NAV2: variants seen among roughly 807,000 people sequenced by gnomAD.
NAV2 encodes the protein helicase, APC down-regulated 1.
Under a neutral mutation model 223.2 loss-of-function variants are expected in NAV2, and 54 were observed. The observed-to-expected ratio is 0.24, with a 90% CI of 0.19 to 0.30. The LOEUF is 0.30. NAV2 is among the 10% of genes least tolerant of loss of function. NAV2 has a pLI of 1.00. For synonymous variants in NAV2, 1,279 were observed against 1,239.3 expected, an observed-to-expected ratio of 1.03 and a Z score of -0.67; for missense variants, 2,806 against 3,147.5, an observed-to-expected ratio of 0.89 and a Z score of 2.60.
chr11:19,397,421 GCGCA>G (rs1191859233), intron 1 of NAV2, among the ~76,000 whole-genome samples: 4 of 148,080 alleles, frequency 2.7e-5, no homozygotes, highest in Non-Finnish European at 4.5e-5. Flanking sequence ...GTGTGTGTGC[GCGCA>G]TGTGTGTGTA....
At chr11:19,741,687 GTATA>G (rs1156844957) in intron 1 of NAV2, among the ~76,000 whole-genome samples, 384 of 20,924 alleles carry the variant, frequency 0.018, no homozygotes, top group South Asian at 0.06. Flanking sequence ...GTGTGTGTGT[GTATA>G]TATATATATA....
At chr11:19,447,694 C>G (rs1017511218) in intron 1 of NAV2, among the ~76,000 whole-genome samples, 1 of 152,166 alleles carries the variant, frequency 6.6e-6, no homozygotes, top group African/African-American at 2.4e-5. Flanking sequence ...GGGCAGAGAC[C>G]GTATCTCTTT....
At chr11:19,890,342 C>G (rs1045418141) in intron 5 of NAV2, among the ~76,000 whole-genome samples, 2 of 152,206 alleles carry the variant, frequency 1.3e-5, no homozygotes, top group African/African-American at 4.8e-5. Context: ...GCTTTGATTG[C>G]TTGCCTCTAT....
intron 1 of NAV2, among the ~76,000 whole-genome samples, chr11:19,677,115 C>T: frequency 6.6e-6 from 1 of 152,234 alleles, no homozygotes; most frequent in East Asian, 1.9e-4. Flanking sequence ...GCCTCTGGGG[C>T]AAGCTGCAGT....
intron 1 of NAV2, among the ~76,000 whole-genome samples, chr11:19,397,981 A>T (rs1849530732): frequency 6.6e-6 from 1 of 152,216 alleles, no homozygotes; most frequent in Admixed American, 6.5e-5. Context: ...AGAAGCCTTG[A>T]TGCCAAGAGG....
At chr11:19,990,451 A>G (rs535653914) in intron 11 of NAV2, among the ~76,000 whole-genome samples, 1 of 152,266 alleles carries the variant, frequency 6.6e-6, no homozygotes, top group South Asian at 2.1e-4. Context: ...TTCTCTACCC[A>G]GAGCTTGGGG....
At chr11:19,656,491 A>G (rs1300517450) in intron 1 of NAV2, among the ~76,000 whole-genome samples, 1 of 152,230 alleles carries the variant, frequency 6.6e-6, no homozygotes, top group Non-Finnish European at 1.5e-5. Context: ...AGACTGGGGA[A>G]GGAGCACAGA....
intron 8 of NAV2, 52 bp downstream of exon 8, chr11:19,939,825 G>T (rs370076160): frequency 7.6e-7 from 1 of 1,314,562 alleles, no homozygotes; most frequent in Non-Finnish European, 1.1e-6. Context: ...GGCCTTCCAC[G>T]CAATACCTGC....
upstream of NAV2, among the ~76,000 whole-genome samples, chr11:19,349,616 G>A (rs1277362610): frequency 6.6e-6 from 1 of 152,194 alleles, no homozygotes; most frequent in East Asian, 1.9e-4. Flanking sequence ...GTGCCTTTTA[G>A]TAAAGAGCTC....
chr11:19,515,310 G>A (rs1307280093), intron 1 of NAV2, among the ~76,000 whole-genome samples: 1 of 152,134 alleles, frequency 6.6e-6, no homozygotes, highest in African/African-American at 2.4e-5. Context: ...TCTATAAAAT[G>A]GGGGTTCACA....
chr11:19,945,336 TCTTTCCTTCC>T (rs67392453), intron 8 of NAV2, among the ~76,000 whole-genome samples: 63,446 of 150,272 alleles, frequency 0.42, 13,624 homozygotes, highest in African/African-American at 0.47. Flanking sequence ...TTCTTTCCTT[TCTTTCCTTCC>T]CTTTCCTTCC....
chr11:19,479,266 C>T (rs1323395526), intron 1 of NAV2, among the ~76,000 whole-genome samples: 1 of 152,154 alleles, frequency 6.6e-6, no homozygotes, highest in African/African-American at 2.4e-5. Flanking sequence ...TCTCTGGTGG[C>T]ATATTAGGAG....
At chr11:19,802,722 A>AAC (rs1284242592) in intron 1 of NAV2, among the ~76,000 whole-genome samples, 3 of 151,802 alleles carry the variant, frequency 2.0e-5, no homozygotes, top group Admixed American at 1.3e-4. Flanking sequence ...AAAAAAAAAA[A>AAC]AAAAAAAATT....
At chr11:19,439,023 A>G (rs748594793) in intron 1 of NAV2, among the ~76,000 whole-genome samples, 2 of 152,032 alleles carry the variant, frequency 1.3e-5, no homozygotes, top group African/African-American at 2.4e-5. Context: ...GATTGCTCCA[A>G]TCCTCTAATT....
At chr11:19,679,482 T>A (rs1424490439) in intron 1 of NAV2, among the ~76,000 whole-genome samples, 1 of 151,844 alleles carries the variant, frequency 6.6e-6, no homozygotes, top group African/African-American at 2.4e-5. Flanking sequence ...CTGTTTTTTC[T>A]TCATTTCCTT....
intron 3 of NAV2, among the ~76,000 whole-genome samples, chr11:19,857,915 G>A (rs1476130705): frequency 1.3e-5 from 2 of 152,142 alleles, no homozygotes; most frequent in African/African-American, 4.8e-5. Context: ...AGAGTGCAGT[G>A]GCATGATCTT....
intron 1 of NAV2, among the ~76,000 whole-genome samples, chr11:19,526,223 G>T (rs1200723995): frequency 6.6e-6 from 1 of 152,162 alleles, no homozygotes; most frequent in African/African-American, 2.4e-5. Context: ...CTCTTAGAAT[G>T]AGCAGAACAT....
intron 1 of NAV2, among the ~76,000 whole-genome samples, chr11:19,493,280 G>A (rs967335246): frequency 6.6e-5 from 10 of 151,522 alleles, no homozygotes; most frequent in African/African-American, 1.9e-4. Flanking sequence ...CCACAATGAA[G>A]GTGATTAAAG....
At chr11:19,911,360 C>T (rs1473928456) in intron 6 of NAV2, among the ~76,000 whole-genome samples, 1 of 152,144 alleles carries the variant, frequency 6.6e-6, no homozygotes, top group African/African-American at 2.4e-5. Context: ...AAAGCGTATT[C>T]TAGACAGAAC....
Sources: gnomAD v4.1 joint callset for allele counts (sites outside exome capture counted in the v4.1 genomes callset) on GRCh38, gnomAD v4.1.1 for gene constraint, MANE v1.5 for transcripts, NCBI Gene and HGNC (gene_info 2026-07-23, HGNC 2026-07-21) for gene names.